Variants in XRCC4 observed in about 807,000 individuals in gnomAD.
XRCC4 encodes the protein X-ray repair cross complementing 4.
In XRCC4, 28 loss-of-function variants were observed where a neutral mutation model predicts 39.1. That is an observed-to-expected ratio of 0.72 (90% CI 0.53 to 0.98). The LOEUF is 0.98. Ranked by LOEUF, XRCC4 falls within the 50% of genes least tolerant of loss-of-function variation. XRCC4 has a pLI of 0.00. For synonymous variants in XRCC4, 123 were observed against 126.4 expected, an observed-to-expected ratio of 0.97 and a Z score of 0.18; for missense variants, 350 against 376.4, an observed-to-expected ratio of 0.93 and a Z score of 0.58.
chr5:83,234,354 A>C (rs1011142964), intron 6 of XRCC4, among the ~76,000 whole-genome samples: 7 of 152,098 alleles, frequency 4.6e-5, no homozygotes, highest in Admixed American at 3.9e-4. Flanking sequence ...CATAATATGC[A>C]TTCTTATTTA....
chr5:83,136,621 T>C (rs1747910801), intron 3 of XRCC4, among the ~76,000 whole-genome samples: 1 of 152,190 alleles, frequency 6.6e-6, no homozygotes, highest in African/African-American at 2.4e-5. Flanking sequence ...GCCTTTTAAA[T>C]TCTCACTTCA....
chr5:83,160,772 C>G (rs1231278854), intron 3 of XRCC4, among the ~76,000 whole-genome samples: 1 of 152,126 alleles, frequency 6.6e-6, no homozygotes, highest in Non-Finnish European at 1.5e-5. Flanking sequence ...ACAAGTACCA[C>G]CTCAGTGCCG....
intron 7 of XRCC4, among the ~76,000 whole-genome samples, chr5:83,292,024 A>G (rs1187276400): frequency 2.0e-5 from 3 of 151,138 alleles, no homozygotes; most frequent in Middle Eastern, 3.4e-3. Context: ...ACTTGAGGAC[A>G]TCTTATAAAT....
intron 3 of XRCC4, among the ~76,000 whole-genome samples, chr5:83,137,075 C>G (rs1273677617): frequency 6.6e-6 from 1 of 151,986 alleles, no homozygotes; most frequent in Non-Finnish European, 1.5e-5. Flanking sequence ...ACAAAAAAAT[C>G]CAGTTTTTAT....
At chr5:83,163,438 G>A (rs79587853) in intron 3 of XRCC4, among the ~76,000 whole-genome samples, 3,241 of 152,266 alleles carry the variant, frequency 0.021, 94 homozygotes, top group African/African-American at 0.072. Flanking sequence ...GGGAAATTTA[G>A]GAATTGAGCT....
intron 3 of XRCC4, among the ~76,000 whole-genome samples, chr5:83,166,094 C>G (rs1279148388): frequency 6.6e-6 from 1 of 151,920 alleles, no homozygotes; most frequent in Admixed American, 6.6e-5. Flanking sequence ...GCCATGTTGG[C>G]CAGGCTGGTC....
chr5:83,132,744 G>A (rs1435230810), intron 3 of XRCC4, among the ~76,000 whole-genome samples: 1 of 151,738 alleles, frequency 6.6e-6, no homozygotes, highest in Non-Finnish European at 1.5e-5. Context: ...GGTCATTTAA[G>A]GTCTCTTCTA....
At chr5:83,258,184 T>C (rs1028177568) in intron 6 of XRCC4, among the ~76,000 whole-genome samples, 2 of 152,042 alleles carry the variant, frequency 1.3e-5, no homozygotes, top group Non-Finnish European at 2.9e-5. Flanking sequence ...ACTTAAAAGA[T>C]AATAAAAAAA....
intron 3 of XRCC4, among the ~76,000 whole-genome samples, chr5:83,146,240 T>C (rs1748445972): frequency 6.6e-6 from 1 of 152,224 alleles, no homozygotes; most frequent in Non-Finnish European, 1.5e-5. Flanking sequence ...CCAGTTAGGC[T>C]GAACTTCAGG....
intron 3 of XRCC4, among the ~76,000 whole-genome samples, chr5:83,158,422 T>C (rs532214566): frequency 6.6e-6 from 1 of 152,234 alleles, no homozygotes; most frequent in South Asian, 2.1e-4. Context: ...TATAAAATCC[T>C]TTAATTAATG....
Position 83,344,415 on chromosome 5 carries a change from C to CTTTT in XRCC4, c.894-8696_894-8693dup, listed in dbSNP as rs70973394. Among the ~76,000 whole-genome samples the CTTTT allele has an allele frequency of 4.9e-3, 565 of 115,244 alleles. 6 individuals are homozygous for CTTTT. Among genetic ancestry groups the CTTTT allele is most frequent in the African/African-American group, 0.014 (394 of 27,262 alleles). 75.6% of individuals were successfully genotyped at this position (115,244 alleles called of 152,430 possible). A position where few individuals can be genotyped will look rare whatever the true frequency, so the allele number is the denominator to read the frequency against. ...CCACACCCAGCTAATTTATTTTTCA[C>CTTTT]TTTTTTTTTTTTTTTTTTTTTTTGT... On this transcript the variant is annotated intron_variant, in intron 7 of 7. Coordinates refer to ENST00000396027, the MANE Select transcript of XRCC4 (RefSeq NM_003401.5).
intron 3 of XRCC4, among the ~76,000 whole-genome samples, chr5:83,194,660 A>G (rs1750862367): frequency 6.6e-6 from 1 of 152,164 alleles, no homozygotes; most frequent in Admixed American, 6.5e-5. Context: ...CAAAAACCCA[A>G]AACAAAAACA....
downstream of XRCC4, among the ~76,000 whole-genome samples, chr5:83,355,484 C>T (rs1757179917): frequency 6.6e-6 from 1 of 152,110 alleles, no homozygotes; most frequent in Admixed American, 6.5e-5. Flanking sequence ...ATAGTAGGCA[C>T]TCGAAAGTTT....
At chr5:83,138,926 T>C (rs1390138584) in intron 3 of XRCC4, among the ~76,000 whole-genome samples, 2 of 152,108 alleles carry the variant, frequency 1.3e-5, no homozygotes, top group Non-Finnish European at 1.5e-5. Context: ...AATTTTAGAC[T>C]TATAGAGAAG....
intron 7 of XRCC4, among the ~76,000 whole-genome samples, chr5:83,263,727 T>G (rs2112911120): frequency 6.6e-6 from 1 of 151,806 alleles, no homozygotes; most frequent in South Asian, 2.1e-4. Flanking sequence ...TTGAGTTCAT[T>G]GTAGATTCTA....
chr5:83,339,350 T>A (rs1191681051), intron 7 of XRCC4, among the ~76,000 whole-genome samples: 1 of 152,048 alleles, frequency 6.6e-6, no homozygotes, highest in Non-Finnish European at 1.5e-5. Flanking sequence ...CTTTAAAAAT[T>A]CAAGCTGCAA....
At chr5:83,213,921 T>TA (rs1448295408) in intron 6 of XRCC4, among the ~76,000 whole-genome samples, 3 of 152,204 alleles carry the variant, frequency 2.0e-5, no homozygotes, top group Non-Finnish European at 4.4e-5. Context: ...GAAAATCAGT[T>TA]AAAGTATTTC....
chr5:83,148,714 A>G (rs975762280), intron 3 of XRCC4, among the ~76,000 whole-genome samples: 2 of 152,092 alleles, frequency 1.3e-5, no homozygotes, highest in African/African-American at 2.4e-5. Flanking sequence ...TATGTTATGC[A>G]TTGTATTAGG....
intron 7 of XRCC4, among the ~76,000 whole-genome samples, chr5:83,331,320 T>C (rs1345524243): frequency 6.6e-6 from 1 of 152,128 alleles, no homozygotes; most frequent in Admixed American, 6.6e-5. Flanking sequence ...CTTGGAGCTC[T>C]AAGATTCAGT....
Sources: allele counts gnomAD v4.1 joint callset (sites outside exome capture counted in the v4.1 genomes callset), GRCh38; gene constraint gnomAD v4.1.1; transcripts MANE v1.5; gene names NCBI Gene and HGNC (gene_info 2026-07-23, HGNC 2026-07-21).